CLASP2: variants seen among roughly 807,000 people sequenced by gnomAD.
The protein encoded by CLASP2 is CLIP-associating protein 2.
A neutral mutation model predicts 194.4 loss-of-function variants in CLASP2; 47 were observed. The ratio of observed to expected loss-of-function variants is 0.24; its 90% confidence interval spans 0.19 to 0.31. CLASP2 has a LOEUF of 0.31. Ranked by LOEUF, CLASP2 falls within the 10% of genes least tolerant of loss-of-function variation. The pLI, the probability that CLASP2 is intolerant of heterozygous loss-of-function variation, is 1.00. For synonymous variants in CLASP2, 619 were observed against 633.5 expected (o/e 0.98, Z 0.34); for missense variants, 1,445 against 1,823.6 (o/e 0.79, Z 3.78).
intron 1 of CLASP2, among the ~76,000 whole-genome samples, chr3:33,707,324 T>G (rs190424248): frequency 7.2e-5 from 11 of 152,270 alleles, no homozygotes; most frequent in African/African-American, 2.6e-4. Context: ...AAACAAACAT[T>G]TGAAGGACAC....
At chr3:33,669,607 A>T (rs1047193141) in intron 6 of CLASP2, among the ~76,000 whole-genome samples, 1 of 152,078 alleles carries the variant, frequency 6.6e-6, no homozygotes, top group Non-Finnish European at 1.5e-5. Flanking sequence ...AATTGGCAAG[A>T]GGCCTGAAAA....
chr3:33,702,097 G>A (rs2092413806), intron 1 of CLASP2, among the ~76,000 whole-genome samples: 1 of 152,130 alleles, frequency 6.6e-6, no homozygotes, highest in Admixed American at 6.5e-5. Context: ...ATACTTATCT[G>A]ATAGCCAACT....
chr3:33,703,301 G>C (rs779265052), intron 1 of CLASP2, among the ~76,000 whole-genome samples: 5 of 152,126 alleles, frequency 3.3e-5, no homozygotes, highest in Non-Finnish European at 7.3e-5. Context: ...GATCCAAACA[G>C]TGCCTCACCA....
intron 7 of CLASP2, 41 bp from the exon 8 acceptor site, chr3:33,644,944 C>T (rs2082027832): frequency 6.5e-7 from 1 of 1,550,174 alleles, no homozygotes; most frequent in African/African-American, 1.4e-5. Flanking sequence ...GAGAACTAAG[C>T]TTTGTTCCAT....
chr3:33,689,726 CA>C, intron 3 of CLASP2, 102 bp downstream of exon 3: 2 of 704,528 alleles, frequency 2.8e-6, no homozygotes, highest in Non-Finnish European at 4.5e-6. Context: ...ACAGTATTAG[CA>C]ACAAATCATT....
intron 29 of CLASP2, among the ~76,000 whole-genome samples, chr3:33,556,075 A>G (rs185921423): frequency 1.3e-5 from 2 of 152,216 alleles, no homozygotes; most frequent in African/African-American, 2.4e-5. Context: ...TGTTTGTGAA[A>G]CCCAGAAAAA....
chr3:33,570,821 T>C lies in CLASP2; in HGVS notation c.2700-31A>G, dbSNP rs1404031919. The C allele has an allele frequency of 1.1e-5, 17 of 1,524,838 alleles. No homozygotes were observed. In the African/African-American group the frequency reaches 1.5e-4, roughly 14 times the overall value. 94.5% of individuals were successfully genotyped at this position (1,524,838 alleles called of 1,614,324 possible). On this transcript the variant is annotated intron_variant, in intron 25 of 38. Coordinates refer to ENST00000682230, the MANE Select transcript of CLASP2 (RefSeq NM_001365631.1). ...AAGATAATACAGCGGTTAATTAATA[T>C]CTTGCTGTAGCAAGAAGTCATGTAA...
chr3:33,559,248 A>G, intron 29 of CLASP2, 59 bp downstream of exon 29: 1 of 1,044,758 alleles, frequency 9.6e-7, no homozygotes, highest in South Asian at 1.4e-5. Flanking sequence ...TATCAACATA[A>G]CTTTATTAAT....
At chr3:33,699,795 ACTTACCTG>A (rs2092239760) in intron 1 of CLASP2, among the ~76,000 whole-genome samples, 1 of 151,784 alleles carries the variant, frequency 6.6e-6, no homozygotes, top group Non-Finnish European at 1.5e-5. Flanking sequence ...TTTATATTGT[ACTTACCTG>A]CTTTGGGACT....
At chr3:33,523,501 T>C (rs577421187) in intron 34 of CLASP2, among the ~76,000 whole-genome samples, 3 of 152,322 alleles carry the variant, frequency 2.0e-5, no homozygotes, top group African/African-American at 4.8e-5. Flanking sequence ...CAGAAGGTAG[T>C]AGGCTGATAT....
intron 1 of CLASP2, among the ~76,000 whole-genome samples, chr3:33,706,831 G>A (rs2092709624): frequency 6.6e-6 from 1 of 151,972 alleles, no homozygotes; most frequent in Non-Finnish European, 1.5e-5. Flanking sequence ...TGGGCATGGT[G>A]GTGTGCGCCT....
At chr3:33,531,949 T>C (rs566527359) in intron 34 of CLASP2, among the ~76,000 whole-genome samples, 3 of 152,274 alleles carry the variant, frequency 2.0e-5, no homozygotes, top group South Asian at 2.1e-4. Context: ...ATACCTGCTA[T>C]GGAAAACAGT....
rs530305022 is a variant in CLASP2, at chr3:33,661,875, G to T, written c.715+1570C>A. The stretch of plus-strand genomic sequence containing the variant: ...GGCCTGGGCCCTGGGATTTTCCAAC[G>T]TGATAAATAGGTTTCCTTCTTCTAG... On this transcript the variant is annotated intron_variant, in intron 7 of 38. Coordinates refer to ENST00000682230, the MANE Select transcript of CLASP2 (RefSeq NM_001365631.1). Among the ~76,000 whole-genome samples, 9 of 152,210 alleles carry T rather than the reference G, an allele frequency of 5.9e-5. No homozygotes were observed. In the South Asian group the frequency reaches 1.9e-3, roughly 32 times the overall value.
intron 37 of CLASP2, chr3:33,505,071 T>A (rs2047762957): frequency 6.6e-6 from 1 of 152,616 alleles, no homozygotes; most frequent in Admixed American, 6.5e-5. Context: ...TTTTGTTTGC[T>A]GCTTGTCTTG....
At chr3:33,602,877 T>G in intron 18 of CLASP2, 75 bp downstream of exon 18, 1 of 1,317,476 alleles carries the variant, frequency 7.6e-7, no homozygotes, top group Admixed American at 2.0e-5. Context: ...ATAGAAATGA[T>G]TAAGGTATAT....
intron 1 of CLASP2, among the ~76,000 whole-genome samples, chr3:33,712,306 A>G (rs545424460): frequency 1.3e-5 from 2 of 152,326 alleles, no homozygotes; most frequent in East Asian, 1.9e-4. Flanking sequence ...CTAAGCTATA[A>G]GGAATCAAAG....
In CLASP2 at chr3:33,575,068, G is replaced by A. The variant is rs189930001; in HGVS notation, c.2454+1101C>T. 1.7e-3 allele frequency among the ~76,000 whole-genome samples: 258 copies of A among 152,134 alleles called. 1 individual carries two copies. Among genetic ancestry groups the A allele is most frequent in the African/African-American group, 5.6e-3 (233 of 41,520 alleles). ...TAAATTATCCAATTTAAAAAACCCA[G>A]AAAACATGATTTGAGATACAGGGAT... On this transcript the variant is annotated intron_variant, in intron 24 of 38. Transcript: ENST00000682230.
chr3:33,516,179 A>G (rs1400125703), intron 35 of CLASP2, 28 bp from the exon 36 acceptor site: 5 of 1,569,558 alleles, frequency 3.2e-6, no homozygotes, highest in Non-Finnish European at 3.4e-6. Flanking sequence ...AATGTTTTTA[A>G]TATTTTGGGT....
At chr3:33,596,943 T>A (rs1008153492) in intron 18 of CLASP2, among the ~76,000 whole-genome samples, 4 of 152,184 alleles carry the variant, frequency 2.6e-5, no homozygotes, top group Non-Finnish European at 5.9e-5. Context: ...GAGAATTTTT[T>A]AAAAGTTGAT....
Sources: gnomAD v4.1 joint callset for allele counts (sites outside exome capture counted in the v4.1 genomes callset) on GRCh38, gnomAD v4.1.1 for gene constraint, MANE v1.5 for transcripts, NCBI Gene and HGNC (gene_info 2026-07-23, HGNC 2026-07-21) for gene names.